The following MYT1L variants were observed in gnomAD, a reference collection of about 807,000 sequenced individuals.
MYT1L encodes the protein myelin transcription factor 1 like.
In MYT1L, 12 loss-of-function variants were observed where a neutral mutation model predicts 126.7. The observed-to-expected ratio is 0.09, with a 90% CI of 0.06 to 0.15. The LOEUF (loss-of-function observed/expected upper bound fraction) is 0.15. Among genes scored for constraint, MYT1L ranks in the 10% least tolerant of loss-of-function variants. MYT1L has a pLI of 1.00. For synonymous variants in MYT1L, 541 were observed against 604.2 expected (o/e 0.90, Z 1.53); for missense variants, 979 against 1,585.2 (o/e 0.62, Z 6.49).
intron 5 of MYT1L, among the ~76,000 whole-genome samples, chr2:1,987,833 G>T (rs2149540285): frequency 6.6e-6 from 1 of 152,300 alleles, no homozygotes; most frequent in East Asian, 1.9e-4. Context: ...TGGGCCTCAA[G>T]ACTCAGAATA....
At chr2:1,952,950 T>TCCTCCCTC (rs140257766) in intron 8 of MYT1L, among the ~76,000 whole-genome samples, 1 of 93,964 alleles carries the variant, frequency 1.1e-5, no homozygotes, top group Non-Finnish European at 2.1e-5. Context: ...CTTCCCTCCT[T>TCCTCCCTC]CCTCCCTCCC....
chr2:2,244,169 T>C (rs2094489279), intron 2 of MYT1L, among the ~76,000 whole-genome samples: 1 of 152,252 alleles, frequency 6.6e-6, no homozygotes, highest in Admixed American at 6.5e-5. Flanking sequence ...CCTGCTTTTA[T>C]GAAAAGTCAC....
chr2:2,197,473 G>GTGTA (rs1329442569), intron 2 of MYT1L, among the ~76,000 whole-genome samples: 1 of 152,076 alleles, frequency 6.6e-6, no homozygotes, highest in East Asian at 1.9e-4. Context: ...CTATCTGCAG[G>GTGTA]TGTATATACA....
intron 9 of MYT1L, among the ~76,000 whole-genome samples, chr2:1,941,867 A>G (rs1391823999): frequency 2.6e-5 from 4 of 152,194 alleles, no homozygotes; most frequent in African/African-American, 9.7e-5. Flanking sequence ...ATTTCATAAA[A>G]TTCAGGTTTC....
intron 19 of MYT1L, among the ~76,000 whole-genome samples, chr2:1,849,470 T>C (rs1346294787): frequency 6.6e-6 from 1 of 152,224 alleles, no homozygotes; most frequent in Non-Finnish European, 1.5e-5. Context: ...CACATCAATG[T>C]CATAAGCCCT....
intron 2 of MYT1L, among the ~76,000 whole-genome samples, chr2:2,215,022 G>T (rs1057411875): frequency 2.0e-5 from 3 of 152,090 alleles, no homozygotes; most frequent in Admixed American, 6.6e-5. Flanking sequence ...AAAAATTAAA[G>T]ATGTATTTTA....
At chr2:2,086,562 C>T (rs1352529951) in intron 3 of MYT1L, among the ~76,000 whole-genome samples, 1 of 152,112 alleles carries the variant, frequency 6.6e-6, no homozygotes, top group African/African-American at 2.4e-5. Context: ...AGACATTTCA[C>T]ACATAGAATC....
At chr2:2,009,259 T>A (rs2063596544) in intron 4 of MYT1L, among the ~76,000 whole-genome samples, 1 of 152,174 alleles carries the variant, frequency 6.6e-6, no homozygotes, top group Admixed American at 6.5e-5. Flanking sequence ...ATTGAAGATT[T>A]TAATAGGGAT....
At chr2:2,140,426 C>CTTTTTTTTTTTTTTTTT (rs1287890129) in intron 3 of MYT1L, among the ~76,000 whole-genome samples, 1 of 133,420 alleles carries the variant, frequency 7.5e-6, no homozygotes, top group African/African-American at 2.8e-5. Flanking sequence ...TTTTTTCTTT[C>CTTTTTTTTTTTTTTTTT]TTTTTCTTTT....
At chr2:1,947,375 C>A (rs886331223) in intron 8 of MYT1L, among the ~76,000 whole-genome samples, 1 of 152,128 alleles carries the variant, frequency 6.6e-6, no homozygotes, top group Non-Finnish European at 1.5e-5. Flanking sequence ...GAAGTGAGCA[C>A]AACTGGGCTT....
At chr2:2,073,652 T>C (rs796113742) in intron 3 of MYT1L, among the ~76,000 whole-genome samples, 4 of 152,316 alleles carry the variant, frequency 2.6e-5, no homozygotes, top group African/African-American at 9.6e-5. Context: ...CTCCGCATCC[T>C]GCCAGTGCGT....
chr2:2,050,371 A>C (rs1272523872), intron 4 of MYT1L, among the ~76,000 whole-genome samples: 4 of 152,174 alleles, frequency 2.6e-5, no homozygotes, highest in Non-Finnish European at 5.9e-5. Context: ...CACCATTCAG[A>C]ACACAATTCA....
intron 8 of MYT1L, among the ~76,000 whole-genome samples, chr2:1,966,823 G>A (rs2059401213): frequency 6.6e-6 from 1 of 151,700 alleles, no homozygotes; most frequent in African/African-American, 2.4e-5. Flanking sequence ...TCGATCATAT[G>A]AGACTAATTC....
At chr2:1,837,923 TTTTAATGAGACAGAGTG>T (rs2041130944) in intron 21 of MYT1L, among the ~76,000 whole-genome samples, 1 of 151,838 alleles carries the variant, frequency 6.6e-6, no homozygotes, top group African/African-American at 2.4e-5. Flanking sequence ...GTTTGTTTGT[TTTTAATGAGACAGAGTG>T]TTGCTCTGTC....
chr2:2,212,718 G>A (rs751038258), intron 2 of MYT1L, among the ~76,000 whole-genome samples: 3 of 152,144 alleles, frequency 2.0e-5, no homozygotes, highest in African/African-American at 4.8e-5. Flanking sequence ...CTAGTATCGT[G>A]TAGTTTGTTC....
At chr2:2,168,089 C>CA (rs1336700161) in intron 3 of MYT1L, among the ~76,000 whole-genome samples, 5 of 151,992 alleles carry the variant, frequency 3.3e-5, no homozygotes, top group Non-Finnish European at 7.4e-5. Flanking sequence ...ATGAGAAACT[C>CA]AAAAAAACAG....
chr2:2,054,820 AAC>A (rs1431963611), intron 3 of MYT1L, among the ~76,000 whole-genome samples: 1 of 151,420 alleles, frequency 6.6e-6, no homozygotes, highest in Non-Finnish European at 1.5e-5. Context: ...ATGGAGATGG[AAC>A]ACACAGAGAT....
chr2:2,162,707 T>G (rs73913233), intron 3 of MYT1L, among the ~76,000 whole-genome samples: 22,328 of 152,226 alleles, frequency 0.15, 1,674 homozygotes, highest in African/African-American at 0.19. Context: ...CCAGCTGGCA[T>G]TAAGTTGTGA....
rs1471643312 is a variant in MYT1L at position 2,161,884 on chromosome 2, G to A, written c.-304+10988C>T. Among the ~76,000 whole-genome samples, 3 of 152,300 alleles carry A rather than the reference G, an allele frequency of 2.0e-5. No homozygotes were observed. The East Asian group carries it at 5.8e-4, about 29-fold the overall frequency. On this transcript the variant is annotated intron_variant, in intron 3 of 24. Coordinates refer to ENST00000647738, the MANE Select transcript of MYT1L (RefSeq NM_001303052.2). The stretch of plus-strand genomic sequence containing the variant: ...CTTAGGACTCGAATGGAGCTCCAAG[G>A]AGAATGAAAAGCAAAGTTGGGGTTC...
Sources: allele counts gnomAD v4.1 joint callset (sites outside exome capture counted in the v4.1 genomes callset), GRCh38; gene constraint gnomAD v4.1.1; transcripts MANE v1.5; gene names NCBI Gene and HGNC (gene_info 2026-07-23, HGNC 2026-07-21).